ANKH: variants seen among roughly 807,000 people sequenced by gnomAD.
The protein encoded by ANKH is mineralization regulator ANKH.
A neutral mutation model predicts 49.0 loss-of-function variants in ANKH; 15 were observed. The observed-to-expected ratio is 0.31, with a 90% confidence interval of 0.20 to 0.47. ANKH has a LOEUF of 0.47. ANKH is among the 20% of genes least tolerant of loss of function. The pLI, the probability that ANKH is intolerant of heterozygous loss-of-function variation, is 1.00. For missense variants in ANKH, 429 were observed against 652.0 expected, an observed-to-expected ratio of 0.66 and a Z score of 3.72; for synonymous variants, 273 against 260.0, an observed-to-expected ratio of 1.05 and a Z score of -0.48.
rs59400773 is a variant in ANKH at position 14,777,743 on chromosome 5, C to T, written c.97-8552G>A. ...GCACGGGTCCAGGTGGTAACCCCTC[C>T]TCGCTGAGAGGAGGTCTGGTGTACA... On this transcript the variant is annotated intron_variant, in intron 1 of 11. Transcript: ENST00000284268. 6.0e-3 allele frequency among the ~76,000 whole-genome samples: 919 copies of T among 152,308 alleles called. 10 individuals carry two copies. Among genetic ancestry groups the T allele is most frequent in the African/African-American group, 0.02 (833 of 41,574 alleles).
At chr5:14,871,095 C>T in intron 1 of ANKH, 1 of 616,900 alleles carries the variant, frequency 1.6e-6, no homozygotes, top group Non-Finnish European at 3.0e-6. Flanking sequence ...CACTAAAAAC[C>T]CTTCCATAGG....
intron 1 of ANKH, among the ~76,000 whole-genome samples, chr5:14,791,827 G>A (rs1740176451): frequency 6.6e-6 from 1 of 152,154 alleles, no homozygotes; most frequent in Non-Finnish European, 1.5e-5. Flanking sequence ...TGCCACGCAG[G>A]TGCTACTTGA....
At chr5:14,766,228 C>CAA (rs34879940) in intron 2 of ANKH, among the ~76,000 whole-genome samples, 43 of 147,880 alleles carry the variant, frequency 2.9e-4, no homozygotes, top group African/African-American at 6.7e-4. Context: ...CCTATCTCTA[C>CAA]AAAAAAAAAA....
At chr5:14,812,433 G>C (rs1178008374) in intron 1 of ANKH, among the ~76,000 whole-genome samples, 2 of 152,094 alleles carry the variant, frequency 1.3e-5, no homozygotes, top group Admixed American at 1.3e-4. Context: ...AGCAGGTTTT[G>C]CATGGGCATT....
intron 1 of ANKH, among the ~76,000 whole-genome samples, chr5:14,854,200 G>A (rs758275535): frequency 1.1e-4 from 16 of 151,986 alleles, no homozygotes; most frequent in African/African-American, 3.1e-4. Context: ...ACTGTAGTAC[G>A]GCTCCCACTG....
intron 1 of ANKH, among the ~76,000 whole-genome samples, chr5:14,828,954 A>G (rs973441667): frequency 1.3e-5 from 2 of 152,168 alleles, no homozygotes; most frequent in African/African-American, 2.4e-5. Flanking sequence ...TGGGAGGCCA[A>G]GGCAGGCAGA....
intron 1 of ANKH, 123 bp downstream of exon 1, chr5:14,871,229 C>T: frequency 1.2e-6 from 1 of 849,736 alleles, no homozygotes; most frequent in East Asian, 2.7e-5. Flanking sequence ...ACAAGCTGCA[C>T]ACCCGACCAA....
At chr5:14,838,215 C>G (rs552282016) in intron 1 of ANKH, among the ~76,000 whole-genome samples, 3 of 148,810 alleles carry the variant, frequency 2.0e-5, no homozygotes, top group Admixed American at 2.0e-4. Flanking sequence ...ATACATATGT[C>G]ACAAACCTGC....
In ANKH at chr5:14,713,038, CA is replaced by C; in HGVS notation, c.1266-66del. 1 of 1,477,716 alleles carries C rather than the reference CA, an allele frequency of 6.8e-7. No homozygotes were observed. Among genetic ancestry groups the C allele is most frequent in the Non-Finnish European group, 9.3e-7 (1 of 1,074,800 alleles). 91.5% of individuals were successfully genotyped at this position (1,477,716 alleles called of 1,614,324 possible). ...CAAGTCAAGGCACAACCGTCGATGC[CA>C]AAACCCAGGAAAGTAAGTGTAGCCT... is the stretch of plus-strand genomic sequence containing the variant. On this transcript the variant is annotated intron_variant, in intron 10 of 11. Coordinates refer to ENST00000284268, the MANE Select transcript of ANKH (RefSeq NM_054027.6). This position sits in a 1 kb window ranked among gnomAD's most constrained non-coding sequence, Gnocchi z 4.4.
chr5:14,743,354 A>G (rs933465331), intron 7 of ANKH, among the ~76,000 whole-genome samples: 2 of 152,204 alleles, frequency 1.3e-5, no homozygotes, highest in Non-Finnish European at 2.9e-5. Context: ...TGGGGACAGC[A>G]ACGTACCACA....
chr5:14,771,623 A>T (rs1161767048), intron 1 of ANKH, among the ~76,000 whole-genome samples: 2 of 152,170 alleles, frequency 1.3e-5, no homozygotes, highest in East Asian at 3.9e-4. Context: ...TATACCACTA[A>T]GAAAGAAAGT....
intron 1 of ANKH, among the ~76,000 whole-genome samples, chr5:14,799,546 C>T (rs922282754): frequency 3.3e-5 from 5 of 152,288 alleles, no homozygotes; most frequent in South Asian, 2.1e-4. Context: ...CTTAAGCTGA[C>T]GCCAATGCTC....
At chr5:14,804,293 C>T (rs559142185) in intron 1 of ANKH, among the ~76,000 whole-genome samples, 4 of 152,194 alleles carry the variant, frequency 2.6e-5, no homozygotes, top group Non-Finnish European at 5.9e-5. Context: ...ACCTGGTCTG[C>T]AATGTATGTC....
intron 1 of ANKH, among the ~76,000 whole-genome samples, chr5:14,828,828 T>A (rs1282430244): frequency 6.6e-6 from 1 of 152,174 alleles, no homozygotes; most frequent in Non-Finnish European, 1.5e-5. Flanking sequence ...TTTGCCCAAG[T>A]CATAGGTACA....
At chr5:14,852,790 C>T (rs1742153523) in intron 1 of ANKH, among the ~76,000 whole-genome samples, 1 of 152,174 alleles carries the variant, frequency 6.6e-6, no homozygotes, top group Non-Finnish European at 1.5e-5. Flanking sequence ...CAGTATCTTC[C>T]TTTTACCTTA....
chr5:14,791,514 A>G (rs1458845257), intron 1 of ANKH, among the ~76,000 whole-genome samples: 4 of 152,130 alleles, frequency 2.6e-5, no homozygotes, highest in East Asian at 3.8e-4. Context: ...TTCTTTTTAT[A>G]CAAATGGTTC....
Position 14,713,431 on chromosome 5 carries a change from T to A in ANKH, c.1265+113A>T, listed in dbSNP as rs1579998411. 1.4e-6 allele frequency: 2 copies of A among 1,444,998 alleles called. No homozygotes were observed. The highest frequency in any genetic ancestry group is 4.9e-5 in the East Asian group (2 of 40,558). 89.5% of individuals were successfully genotyped at this position (1,444,998 alleles called of 1,614,324 possible). ...AGACACACAAAACATCATTCTGAAT[T>A]TCCGATTCTAGACGTGCCTGGGGAT... On this transcript the variant is annotated intron_variant, in intron 10 of 11. Coordinates refer to ENST00000284268, the MANE Select transcript of ANKH (RefSeq NM_054027.6). The surrounding 1 kb of genome is among the most constrained non-coding windows in gnomAD (Gnocchi z 4.4).
At chr5:14,841,680 G>A (rs902852976) in intron 1 of ANKH, among the ~76,000 whole-genome samples, 3 of 152,050 alleles carry the variant, frequency 2.0e-5, no homozygotes, top group Non-Finnish European at 2.9e-5. Context: ...ATCCATCTCC[G>A]GAACCCTTTC....
intron 1 of ANKH, among the ~76,000 whole-genome samples, chr5:14,811,688 C>A (rs1183969656): frequency 6.6e-6 from 1 of 152,202 alleles, no homozygotes; most frequent in Non-Finnish European, 1.5e-5. Context: ...AACATACTTT[C>A]CTTGTAGTCT....
Sources: gnomAD v4.1 joint callset for allele counts (sites outside exome capture counted in the v4.1 genomes callset) on GRCh38, gnomAD v4.1.1 for gene constraint, Gnocchi (gnomAD v3.1) non-coding constraint, MANE v1.5 for transcripts, NCBI Gene and HGNC (gene_info 2026-07-23, HGNC 2026-07-21) for gene names.